Variants in TMPRSS11E observed in about 807,000 individuals in gnomAD.
The protein encoded by TMPRSS11E is transmembrane protease serine 11E.
In TMPRSS11E, 38 loss-of-function variants were observed where a neutral mutation model predicts 48.1. The ratio of observed to expected loss-of-function variants is 0.79; its 90% CI spans 0.61 to 1.04. The LOEUF (loss-of-function observed/expected upper bound fraction) is 1.04. Ranked by LOEUF, TMPRSS11E falls within the 50% of genes least tolerant of loss-of-function variation. The pLI, the probability that TMPRSS11E is intolerant of heterozygous loss-of-function variation, is 0.00. For missense variants in TMPRSS11E, 530 were observed against 510.8 expected (o/e 1.04, Z -0.36); for synonymous variants, 158 against 171.9 (o/e 0.92, Z 0.63).
At chr4:68,476,518 G>A in intron 7 of TMPRSS11E, 80 bp downstream of exon 7, 1 of 1,394,956 alleles carries the variant, frequency 7.2e-7, no homozygotes, top group Non-Finnish European at 9.8e-7. Context: ...ATGAATTTTG[G>A]GAGATATGAG....
Position 68,496,649 on chromosome 4 carries a change from T to C in TMPRSS11E, c.1117T>C (p.Ser373Pro). ...TTTCTGTCTTCTCCTTTAGGGTGAC[T>C]CTGGAGGACCACTGGTTAGTTCAGA... ...EGKTDACQGD[S>P]GGPLVSSDAR... The change falls in exon 10 of 10, where the codon TCT becomes CCT. Residue 373 changes from serine (S) to proline (P), a missense_variant. Physicochemically the swap from Ser to Pro is moderately conservative, Grantham distance 74. Coordinates refer to ENST00000305363, the MANE Select transcript of TMPRSS11E (RefSeq NM_014058.4). The C allele has an allele frequency of 6.2e-7, 1 of 1,611,676 alleles. No homozygotes were observed. The highest frequency in any genetic ancestry group is 8.5e-7 in the Non-Finnish European group (1 of 1,178,970).
At chr4:68,494,930 G>C (rs867096097) in intron 9 of TMPRSS11E, among the ~76,000 whole-genome samples, 86 of 152,304 alleles carry the variant, frequency 5.6e-4, no homozygotes, top group African/African-American at 2.0e-3. Flanking sequence ...TCTGGGGAGG[G>C]AGTTTTGGGT....
intron 9 of TMPRSS11E, among the ~76,000 whole-genome samples, chr4:68,494,498 C>T (rs1379209083): frequency 6.6e-6 from 1 of 152,002 alleles, no homozygotes; most frequent in Non-Finnish European, 1.5e-5. Flanking sequence ...CTGTTAACAC[C>T]CTAATCTATT....
intron 1 of TMPRSS11E, among the ~76,000 whole-genome samples, chr4:68,455,009 A>G (rs1728590665): frequency 1.3e-5 from 2 of 151,930 alleles, no homozygotes; most frequent in South Asian, 4.1e-4. Flanking sequence ...AAATTTCCCT[A>G]CTGTACTGAA....
chr4:68,492,016 T>TTA (rs1319826318), intron 9 of TMPRSS11E, among the ~76,000 whole-genome samples: 1 of 152,222 alleles, frequency 6.6e-6, no homozygotes, highest in Middle Eastern at 3.2e-3. Flanking sequence ...TGACCTTTGT[T>TTA]TATACTCTGG....
At chr4:68,478,337 T>A (rs966997291) in intron 8 of TMPRSS11E, among the ~76,000 whole-genome samples, 3 of 151,510 alleles carry the variant, frequency 2.0e-5, no homozygotes, top group Non-Finnish European at 4.4e-5. Context: ...AGAGACAGGG[T>A]TTCACCATGT....
chr4:68,493,628 G>T (rs1729791122), intron 9 of TMPRSS11E, among the ~76,000 whole-genome samples: 1 of 151,936 alleles, frequency 6.6e-6, no homozygotes, highest in South Asian at 2.1e-4. Context: ...CACCACACCA[G>T]ACTAATTTTT....
chr4:68,485,126 G>A (rs372844336), intron 9 of TMPRSS11E, among the ~76,000 whole-genome samples: 2 of 152,072 alleles, frequency 1.3e-5, no homozygotes, highest in African/African-American at 4.8e-5. Context: ...TTCCTCTGAT[G>A]CCTAGTTAGT....
chr4:68,473,848 C>T (rs1485668836), intron 5 of TMPRSS11E, among the ~76,000 whole-genome samples: 4 of 152,102 alleles, frequency 2.6e-5, no homozygotes, highest in Admixed American at 6.6e-5. Flanking sequence ...ATTGTAAATT[C>T]TTCCTTATTT....
rs1441976888 is a variant in TMPRSS11E, at chr4:68,476,323, G to A, written c.592G>A (p.Val198Ile). The change falls in exon 7 of 10, where the codon GTA becomes ATA. Residue 198 changes from valine to isoleucine, a missense_variant. By Grantham distance (29) the Val-to-Ile change is conservative. Transcript: ENST00000305363. Reference sequence around the variant, plus strand: ...TCTCAGGATCGTTGGTGGGACAGAAGTAGAAGAGGGTGAATGGCCCTGGCA... The same window carrying A: ...TCTCAGGATCGTTGGTGGGACAGAAATAGAAGAGGGTGAATGGCCCTGGCA... ...QSLRIVGGTE[V>I]EEGEWPWQAS... 1.1e-5 allele frequency: 17 copies of A among 1,614,070 alleles called. No individual in the cohort carries two copies. In the East Asian group the frequency reaches 3.6e-4, roughly 34 times the overall value.
rs191171798 is a variant in TMPRSS11E, at chr4:68,468,231, G to A, written c.259-648G>A. 1.6e-3 allele frequency among the ~76,000 whole-genome samples: 246 copies of A among 152,232 alleles called. 1 individual carries two copies. Among genetic ancestry groups the A allele is most frequent in the African/African-American group, 5.9e-3 (245 of 41,564 alleles). ...CATACTGGAAACAAGACACCTTTGA[G>A]TGTTTCCTTACATAAACTCCTAATT... is the stretch of plus-strand genomic sequence containing the variant. On this transcript the variant is annotated intron_variant, in intron 3 of 9. Coordinates refer to ENST00000305363, the MANE Select transcript of TMPRSS11E (RefSeq NM_014058.4).
chr4:68,466,557 C>A, intron 2 of TMPRSS11E, 74 bp from the exon 3 acceptor site: 1 of 1,530,880 alleles, frequency 6.5e-7, no homozygotes, highest in Non-Finnish European at 8.9e-7. Context: ...CCAGCAACCA[C>A]CAAGCGGGGA....
intron 8 of TMPRSS11E, among the ~76,000 whole-genome samples, chr4:68,477,943 C>T (rs1361257978): frequency 1.3e-5 from 2 of 151,936 alleles, no homozygotes; most frequent in African/African-American, 2.4e-5. Context: ...AATAATATAC[C>T]CAATTCTGAA....
chr4:68,496,246 T>C (rs1226138256), intron 9 of TMPRSS11E, among the ~76,000 whole-genome samples: 1 of 152,214 alleles, frequency 6.6e-6, no homozygotes. Flanking sequence ...GTTTGTTTGT[T>C]TTTTTAAAAT....
intron 9 of TMPRSS11E, among the ~76,000 whole-genome samples, chr4:68,487,981 A>G (rs1285663155): frequency 6.8e-6 from 1 of 147,984 alleles, no homozygotes; most frequent in African/African-American, 2.5e-5. Context: ...CTGGCTGAGT[A>G]TAGGTCCCCA....
In TMPRSS11E at chr4:68,492,504, G is replaced by A. The variant is rs533349202; in HGVS notation, c.1111-4139G>A. ...TTTTATTATCTTTGCTGGCGATTTTGCTGTTTAAAATAGTCCCCAACTGTA... is the reference window on the plus strand; with the variant it reads ...TTTTATTATCTTTGCTGGCGATTTTACTGTTTAAAATAGTCCCCAACTGTA... On this transcript the variant is annotated intron_variant, in intron 9 of 9. Coordinates refer to ENST00000305363, the MANE Select transcript of TMPRSS11E (RefSeq NM_014058.4). 2.5e-4 allele frequency among the ~76,000 whole-genome samples: 38 copies of A among 152,236 alleles called. No homozygotes were observed. In the South Asian group the frequency reaches 7.5e-3, roughly 30 times the overall value.
chr4:68,447,594 CAA>C, intron 1 of TMPRSS11E, 71 bp downstream of exon 1: 2 of 1,254,796 alleles, frequency 1.6e-6, no homozygotes, highest in Non-Finnish European at 2.3e-6. Context: ...TGAGCCACAC[CAA>C]GGAATGTGTA....
chr4:68,464,000 A>T (rs1394131019), intron 2 of TMPRSS11E, among the ~76,000 whole-genome samples: 2 of 152,204 alleles, frequency 1.3e-5, no homozygotes, highest in Non-Finnish European at 2.9e-5. Context: ...ATATGTATAC[A>T]GTGAAAACTT....
intron 9 of TMPRSS11E, among the ~76,000 whole-genome samples, chr4:68,493,890 A>C (rs1306678275): frequency 2.0e-5 from 3 of 152,022 alleles, no homozygotes; most frequent in Non-Finnish European, 4.4e-5. Context: ...CATATGTAAA[A>C]ATTTTTCCTT....
Sources: allele counts gnomAD v4.1 joint callset (sites outside exome capture counted in the v4.1 genomes callset), GRCh38; gene constraint gnomAD v4.1.1; transcripts MANE v1.5; gene names NCBI Gene and HGNC (gene_info 2026-07-23, HGNC 2026-07-21).